The following DIAPH2 variants were observed in gnomAD, a reference collection of about 807,000 sequenced individuals.
DIAPH2 encodes the protein protein diaphanous homolog 2.
In DIAPH2, 35 loss-of-function variants were observed where a neutral mutation model predicts 92.7. The observed-to-expected ratio is 0.38, with a 90% CI of 0.29 to 0.50. The LOEUF (loss-of-function observed/expected upper bound fraction) is 0.50, where lower values mean the gene tolerates loss of function less well. DIAPH2 is among the 20% of genes least tolerant of loss of function. The probability of loss-of-function intolerance (pLI) is 0.94; values close to 1 mark genes in which losing one functional copy is unlikely to be tolerated. For synonymous variants in DIAPH2, 301 were observed against 280.4 expected (o/e 1.07, Z -0.73); for missense variants, 701 against 819.5 (o/e 0.86, Z 1.77).
chrX:97,374,393 G>A (rs1275421993), intron 24 of DIAPH2, among the ~76,000 whole-genome samples: 1 of 111,864 alleles, frequency 8.9e-6, no homozygotes, highest in East Asian at 2.8e-4. Flanking sequence ...TTTGTTCAGT[G>A]TCTGTTACTG....
intron 23 of DIAPH2, among the ~76,000 whole-genome samples, chrX:97,300,943 AAAAAAAAAAAAAAAAAAAAAAAG>A (rs1312265388): frequency 1.2e-4 from 6 of 48,956 alleles, no homozygotes; most frequent in East Asian, 9.8e-4. Flanking sequence ...AAAAAAAAAA[AAAAAAAAAAAAAAAAAAAAAAAG>A]AAGAAGAAGA....
At chrX:97,446,768 C>T (rs748700606) in intron 26 of DIAPH2, among the ~76,000 whole-genome samples, 1 of 106,927 alleles carries the variant, frequency 9.4e-6, no homozygotes, top group African/African-American at 3.4e-5. Flanking sequence ...TTTAATTATG[C>T]ATAACTTCAA....
intron 1 of DIAPH2, among the ~76,000 whole-genome samples, chrX:96,710,470 G>C (rs1289486538): frequency 9.0e-6 from 1 of 111,487 alleles, no homozygotes; most frequent in Non-Finnish European, 1.9e-5. Flanking sequence ...ATTGTAAATT[G>C]CTGCTTTACT....
intron 4 of DIAPH2, among the ~76,000 whole-genome samples, chrX:96,876,384 A>G (rs2147740928): frequency 8.9e-6 from 1 of 111,911 alleles, no homozygotes; most frequent in South Asian, 3.8e-4. Flanking sequence ...TAGAAATACC[A>G]TTTGACCCAG....
At chrX:97,093,241 A>G (rs1287975370) in intron 19 of DIAPH2, among the ~76,000 whole-genome samples, 1 of 109,443 alleles carries the variant, frequency 9.1e-6, no homozygotes, top group Non-Finnish European at 1.9e-5. Context: ...GAGGGGGGGA[A>G]AAAGAAAACC....
At chrX:97,143,956 G>C (rs1045043459) in intron 22 of DIAPH2, among the ~76,000 whole-genome samples, 39 of 112,114 alleles carry the variant, frequency 3.5e-4, no homozygotes, top group Non-Finnish European at 6.0e-4. Context: ...GTCTCATAGA[G>C]ATAGAGCGTA....
intron 17 of DIAPH2, among the ~76,000 whole-genome samples, chrX:97,056,331 A>C (rs1279847626): frequency 9.0e-6 from 1 of 111,659 alleles, no homozygotes; most frequent in Non-Finnish European, 1.9e-5. Flanking sequence ...TCCACTTTGT[A>C]TAGTAGGCTA....
At chrX:96,810,830 G>A (rs768089454) in intron 4 of DIAPH2, among the ~76,000 whole-genome samples, 14 of 111,773 alleles carry the variant, frequency 1.3e-4, no homozygotes, top group African/African-American at 4.5e-4. Flanking sequence ...GATGGTTGCA[G>A]ATGTGTGGTG....
At chrX:97,296,184 T>G (rs1338007992) in intron 23 of DIAPH2, among the ~76,000 whole-genome samples, 1 of 111,497 alleles carries the variant, frequency 9.0e-6, no homozygotes, top group Non-Finnish European at 1.9e-5. Flanking sequence ...TTCATATACT[T>G]TCCTGAGATA....
intron 16 of DIAPH2, among the ~76,000 whole-genome samples, chrX:96,962,352 C>G (rs1203563946): frequency 2.3e-5 from 1 of 44,178 alleles, no homozygotes; most frequent in Non-Finnish European, 4.1e-5. Context: ...TATATATATA[C>G]ACATATATAT....
intron 17 of DIAPH2, among the ~76,000 whole-genome samples, chrX:96,989,585 G>A (rs887202819): frequency 8.1e-5 from 9 of 111,766 alleles, no homozygotes; most frequent in African/African-American, 2.9e-4. Context: ...TGAAAGTGTT[G>A]GAGAATTGCA....
chrX:97,463,379 T>A (rs2070477271), intron 26 of DIAPH2, among the ~76,000 whole-genome samples: 1 of 108,839 alleles, frequency 9.2e-6, no homozygotes, highest in Non-Finnish European at 1.9e-5. Flanking sequence ...TACCATTTTA[T>A]TTATTTGTTT....
chrX:97,308,978 A>C (rs1188695860), intron 23 of DIAPH2, among the ~76,000 whole-genome samples: 1 of 106,884 alleles, frequency 9.4e-6, no homozygotes. Flanking sequence ...AGATCGTGCC[A>C]TTGCACTCCA....
At chrX:96,932,367 T>C (rs946988490) in intron 10 of DIAPH2, among the ~76,000 whole-genome samples, 2 of 111,523 alleles carry the variant, frequency 1.8e-5, no homozygotes, top group Non-Finnish European at 3.8e-5. Flanking sequence ...TCAAGAGAAC[T>C]GTGACTCTCA....
intron 24 of DIAPH2, among the ~76,000 whole-genome samples, chrX:97,367,024 T>C (rs928041122): frequency 9.0e-6 from 1 of 111,712 alleles, no homozygotes; most frequent in African/African-American, 3.2e-5. Flanking sequence ...TGCAAAGTGT[T>C]GTATAGGAAA....
chrX:97,272,908 C>CT (rs2068401599), intron 23 of DIAPH2, among the ~76,000 whole-genome samples: 1 of 112,037 alleles, frequency 8.9e-6, no homozygotes, highest in Non-Finnish European at 1.9e-5. Flanking sequence ...GTAATCCCAG[C>CT]ACTTTGGGAG....
chrX:96,712,668 T>C (rs1259776626), intron 1 of DIAPH2, among the ~76,000 whole-genome samples: 1 of 111,741 alleles, frequency 8.9e-6, no homozygotes, highest in African/African-American at 3.3e-5. Flanking sequence ...AATACAGTTA[T>C]GATTTTTAGT....
intron 25 of DIAPH2, among the ~76,000 whole-genome samples, chrX:97,389,641 T>A (rs2069637298): frequency 9.0e-6 from 1 of 110,934 alleles, no homozygotes; most frequent in Non-Finnish European, 1.9e-5. Flanking sequence ...TGTGTCTAGT[T>A]GTTATAGGAC....
chrX:96,740,035 T>A (rs1050935222), intron 3 of DIAPH2, among the ~76,000 whole-genome samples: 1 of 112,303 alleles, frequency 8.9e-6, no homozygotes, highest in Non-Finnish European at 1.9e-5. Context: ...GACTTTTGCA[T>A]TTATATATTT....
Sources: gnomAD v4.1 joint callset for allele counts (sites outside exome capture counted in the v4.1 genomes callset) on GRCh38, gnomAD v4.1.1 for gene constraint, MANE v1.5 for transcripts, NCBI Gene and HGNC (gene_info 2026-07-23, HGNC 2026-07-21) for gene names.